Variants in SUCLG2 observed in about 807,000 individuals in gnomAD.
SUCLG2 encodes the protein succinate--CoA ligase [GDP-forming] subunit beta, mitochondrial.
A neutral mutation model predicts 47.9 loss-of-function variants in SUCLG2; 42 were observed. The observed-to-expected ratio is 0.88, with a 90% confidence interval of 0.69 to 1.14. The LOEUF is 1.14. Among genes scored for constraint, SUCLG2 ranks in the 50% most tolerant of loss-of-function variants. SUCLG2 has a pLI of 0.00. For synonymous variants in SUCLG2, 195 were observed against 197.3 expected (o/e 0.99, Z 0.10); for missense variants, 571 against 525.9 (o/e 1.09, Z -0.84).
rs543132837 is a variant in SUCLG2, at chr3:67,459,762, A to G, written c.1062+36036T>C. Among the ~76,000 whole-genome samples the G allele has an allele frequency of 3.5e-4, 53 of 152,340 alleles. No individual in the cohort carries two copies. The South Asian group carries it at 6.6e-3, about 19-fold the overall frequency. Reference sequence around the variant, plus strand: ...TTACATAAAGGAACACTGGTGGTAGATAGGCCTGGGATGGTAGGATGCTAC... The same window carrying G: ...TTACATAAAGGAACACTGGTGGTAGGTAGGCCTGGGATGGTAGGATGCTAC... On this transcript the variant is annotated intron_variant, in intron 9 of 10. Coordinates refer to ENST00000307227, the MANE Select transcript of SUCLG2 (RefSeq NM_003848.4).
intron 1 of SUCLG2, among the ~76,000 whole-genome samples, chr3:67,616,258 CATG>C (rs1250432886): frequency 1.3e-5 from 2 of 152,220 alleles, no homozygotes; most frequent in East Asian, 3.9e-4. Flanking sequence ...AGGAATAACT[CATG>C]ATAACAGCAT....
At chr3:67,603,595 A>AT (rs1263725052) in intron 2 of SUCLG2, among the ~76,000 whole-genome samples, 2 of 152,136 alleles carry the variant, frequency 1.3e-5, no homozygotes, top group African/African-American at 4.8e-5. Flanking sequence ...TCATAGTTCA[A>AT]TTTTCTTTCC....
chr3:67,360,621 G>A, exon 11 of SUCLG2: 1 of 1,497,858 alleles, frequency 6.7e-7, no homozygotes, highest in Non-Finnish European at 8.9e-7. Flanking sequence ...TCTTAGCAAA[G>A]TAAATCTTTA....
At chr3:67,404,324 G>A (rs1468510449) in intron 9 of SUCLG2, among the ~76,000 whole-genome samples, 1 of 152,026 alleles carries the variant, frequency 6.6e-6, no homozygotes, top group Non-Finnish European at 1.5e-5. Flanking sequence ...GAACAACCAT[G>A]AGAGAGCATG....
chr3:67,434,658 T>C (rs1703572643), intron 9 of SUCLG2, among the ~76,000 whole-genome samples: 1 of 152,218 alleles, frequency 6.6e-6, no homozygotes, highest in Non-Finnish European at 1.5e-5. Flanking sequence ...AGCAGTAATA[T>C]TTTATACTGG....
chr3:67,415,644 G>C (rs6807734), intron 9 of SUCLG2, among the ~76,000 whole-genome samples: 11,837 of 152,270 alleles, frequency 0.078, 514 homozygotes, highest in East Asian at 0.11. Context: ...CAACTTGGCT[G>C]AAATCCTTGG....
downstream of SUCLG2, among the ~76,000 whole-genome samples, chr3:67,373,597 AC>A (rs1466653430): frequency 1.3e-5 from 2 of 152,132 alleles, no homozygotes; most frequent in Non-Finnish European, 2.9e-5. Context: ...TTGTAAATGA[AC>A]CGGGGCCAGA....
At position 67,396,048 on chromosome 3, in the gene SUCLG2, A is replaced by C. The variant is rs1346611172; in HGVS notation, c.1183+4683T>G. On this transcript the variant is annotated intron_variant, in intron 10 of 10. Transcript: ENST00000307227. ...TGTGTAGAGGGAAATTTATAGCACT[A>C]AATGCCCACAAGAGAAAGCAGGAAA... Among the ~76,000 whole-genome samples, 7 of 152,158 alleles carry C rather than the reference A, an allele frequency of 4.6e-5. No homozygotes were observed. In the East Asian group the frequency reaches 7.7e-4, roughly 17 times the overall value.
intron 2 of SUCLG2, among the ~76,000 whole-genome samples, chr3:67,535,624 G>A (rs1706519806): frequency 6.6e-6 from 1 of 152,012 alleles, no homozygotes; most frequent in Non-Finnish European, 1.5e-5. Flanking sequence ...CCATCCTCAG[G>A]TACTCTTTTA....
intron 9 of SUCLG2, among the ~76,000 whole-genome samples, chr3:67,427,201 T>C (rs1186052070): frequency 6.6e-6 from 1 of 152,206 alleles, no homozygotes; most frequent in Non-Finnish European, 1.5e-5. Context: ...AAAAACATTT[T>C]CCTTTAAAAG....
At chr3:67,620,249 T>G (rs182976462) in intron 1 of SUCLG2, among the ~76,000 whole-genome samples, 1 of 151,220 alleles carries the variant, frequency 6.6e-6, no homozygotes, top group Admixed American at 6.6e-5. Context: ...TAATGAAGAG[T>G]GTAATTACAG....
chr3:67,633,363 A>G (rs902671479), intron 1 of SUCLG2, among the ~76,000 whole-genome samples: 32 of 152,190 alleles, frequency 2.1e-4, no homozygotes, highest in Admixed American at 2.0e-3. Context: ...TTTCTGTAGT[A>G]AAGTCATTTA....
In SUCLG2 at chr3:67,427,095, G is replaced by T. The variant is rs190534761; in HGVS notation, c.1063-26244C>A. On this transcript the variant is annotated intron_variant, in intron 9 of 10. Coordinates refer to ENST00000307227, the MANE Select transcript of SUCLG2 (RefSeq NM_003848.4). ...GTTTTATATATTACCTGAAAGAACGGTTTTTTTGCTGAATGAAACTGATTA... is the reference window on the plus strand; with the variant it reads ...GTTTTATATATTACCTGAAAGAACGTTTTTTTTGCTGAATGAAACTGATTA... 3.5e-4 allele frequency among the ~76,000 whole-genome samples: 54 copies of T among 152,218 alleles called. 2 individuals are homozygous for T. The East Asian group carries it at 0.01, about 29-fold the overall frequency.
chr3:67,476,279 T>A (rs1175848089), intron 9 of SUCLG2, among the ~76,000 whole-genome samples: 2 of 151,904 alleles, frequency 1.3e-5, no homozygotes, highest in Non-Finnish European at 2.9e-5. Flanking sequence ...GTACAGCTGC[T>A]CCCCATGGCT....
chr3:67,520,156 C>G (rs544178071), intron 5 of SUCLG2, among the ~76,000 whole-genome samples: 2 of 151,910 alleles, frequency 1.3e-5, no homozygotes, highest in Non-Finnish European at 2.9e-5. Context: ...GAGAGTTAAC[C>G]ATAAGAAATG....
At chr3:67,642,890 G>A (rs2107372426) in intron 1 of SUCLG2, among the ~76,000 whole-genome samples, 1 of 151,262 alleles carries the variant, frequency 6.6e-6, no homozygotes, top group African/African-American at 2.4e-5. Context: ...AATAGCCATT[G>A]TACAGGCAAG....
At chr3:67,458,802 C>T (rs950940569) in intron 9 of SUCLG2, among the ~76,000 whole-genome samples, 1 of 152,084 alleles carries the variant, frequency 6.6e-6, no homozygotes, top group Non-Finnish European at 1.5e-5. Context: ...TCTGGAATAT[C>T]GTTAAACAAC....
chr3:67,413,383 T>G (rs1001434882), intron 9 of SUCLG2, among the ~76,000 whole-genome samples: 1 of 152,180 alleles, frequency 6.6e-6, no homozygotes, highest in African/African-American at 2.4e-5. Flanking sequence ...CCCCATGTGG[T>G]CTTCCAGTCT....
At chr3:67,509,044 A>G in intron 6 of SUCLG2, 141 bp from the exon 7 acceptor site, 1 of 615,312 alleles carries the variant, frequency 1.6e-6, no homozygotes, top group East Asian at 2.9e-5. Context: ...GAAAAGCATA[A>G]TTATTTTAAT....
Sources: allele counts gnomAD v4.1 joint callset (sites outside exome capture counted in the v4.1 genomes callset), GRCh38; gene constraint gnomAD v4.1.1; transcripts MANE v1.5; gene names NCBI Gene and HGNC (gene_info 2026-07-23, HGNC 2026-07-21).